The following SOAT1 variants were observed in gnomAD, a reference collection of about 807,000 sequenced individuals.
SOAT1 encodes acyl-coenzyme A:cholesterol acyltransferase 1.
Under a neutral mutation model 69.5 loss-of-function variants are expected in SOAT1, and 55 were observed. The observed-to-expected ratio is 0.79, with a 90% CI of 0.64 to 0.99. The LOEUF (loss-of-function observed/expected upper bound fraction) is 0.99. SOAT1 is among the 50% of genes least tolerant of loss of function. The pLI, the probability that SOAT1 is intolerant of heterozygous loss-of-function variation, is 0.00. For missense variants in SOAT1, 580 were observed against 669.3 expected, an observed-to-expected ratio of 0.87 and a Z score of 1.47; for synonymous variants, 231 against 224.7, an observed-to-expected ratio of 1.03 and a Z score of -0.25.
intron 3 of SOAT1, among the ~76,000 whole-genome samples, chr1:179,335,131 A>G (rs1292596835): frequency 6.6e-6 from 1 of 151,790 alleles, no homozygotes; most frequent in Non-Finnish European, 1.5e-5. Context: ...TGGGAAGCTG[A>G]GGCGGGAAGA....
chr1:179,336,403 G>A (rs1193896865), intron 4 of SOAT1, among the ~76,000 whole-genome samples: 1 of 149,552 alleles, frequency 6.7e-6, no homozygotes, highest in Non-Finnish European at 1.5e-5. Context: ...GAACCTGGGA[G>A]GCAGAGGTTG....
chr1:179,342,919 T>A lies in SOAT1; in HGVS notation c.917T>A (p.Leu306His), dbSNP rs757433399. ...QYLYFLFAPT[L>H]IYRDSYPRNP... ...TTGTACTTCTTATTTGCTCCTACCCTTATCTACCGTGACAGCTATCCCAGG... is the reference window on the plus strand; with the variant it reads ...TTGTACTTCTTATTTGCTCCTACCCATATCTACCGTGACAGCTATCCCAGG... The change falls in exon 9 of 16, where the codon CTT (leucine) becomes CAT (histidine). Residue 306 changes from leucine (L) to histidine (H), a missense_variant. Coordinates refer to ENST00000367619, the MANE Select transcript of SOAT1 (RefSeq NM_003101.6). 4 of 1,613,228 alleles carry A rather than the reference T, an allele frequency of 2.5e-6. No homozygotes were observed. Among genetic ancestry groups the A allele is most frequent in the Non-Finnish European group, 3.4e-6 (4 of 1,179,266 alleles).
intron 3 of SOAT1, among the ~76,000 whole-genome samples, chr1:179,333,799 C>A (rs59962321): frequency 0.5 from 74,907 of 150,282 alleles, 19,576 homozygotes; most frequent in East Asian, 0.84. Flanking sequence ...TGCCGTTGCC[C>A]TCTAGCCTGG....
intron 7 of SOAT1, among the ~76,000 whole-genome samples, 183 bp downstream of exon 7, chr1:179,341,493 A>G (rs569264141): frequency 6.6e-6 from 1 of 151,560 alleles, no homozygotes; most frequent in South Asian, 2.1e-4. Context: ...GTTTCATTGT[A>G]GCTTCCATGT....
chr1:179,331,509 A>G (rs1665973350), intron 3 of SOAT1, among the ~76,000 whole-genome samples: 1 of 152,190 alleles, frequency 6.6e-6, no homozygotes, highest in Non-Finnish European at 1.5e-5. Flanking sequence ...AGGCCAAGGC[A>G]GGCAGATCAT....
chr1:179,305,666 A>G (rs1184116112), intron 2 of SOAT1, among the ~76,000 whole-genome samples: 1 of 152,136 alleles, frequency 6.6e-6, no homozygotes, highest in East Asian at 1.9e-4. Context: ...TACTTTTCCA[A>G]AATAGCTACT....
At chr1:179,323,964 A>G (rs764699264) in intron 3 of SOAT1, among the ~76,000 whole-genome samples, 1 of 152,202 alleles carries the variant, frequency 6.6e-6, no homozygotes, top group Non-Finnish European at 1.5e-5. Flanking sequence ...CAGTACCCTC[A>G]GGAAATTGTG....
chr1:179,303,564 C>T (rs1486066671), intron 2 of SOAT1, among the ~76,000 whole-genome samples: 2 of 152,190 alleles, frequency 1.3e-5, no homozygotes, highest in Non-Finnish European at 2.9e-5. Context: ...GGCATTTCAT[C>T]TCTTTTCATA....
intron 13 of SOAT1, 143 bp from the exon 14 acceptor site, chr1:179,350,153 A>C (rs1479974036): frequency 2.1e-5 from 13 of 607,062 alleles, no homozygotes; most frequent in Non-Finnish European, 3.1e-5. Context: ...ATTTTAATAG[A>C]CTTGGATTAA....
intron 3 of SOAT1, among the ~76,000 whole-genome samples, chr1:179,334,635 A>AT (rs1263739861): frequency 6.6e-6 from 1 of 152,222 alleles, no homozygotes; most frequent in Non-Finnish European, 1.5e-5. Context: ...AATTGATCAT[A>AT]TTAAAATAGT....
At chr1:179,330,885 A>C (rs1665947488) in intron 3 of SOAT1, among the ~76,000 whole-genome samples, 1 of 152,202 alleles carries the variant, frequency 6.6e-6, no homozygotes, top group Non-Finnish European at 1.5e-5. Flanking sequence ...GACTTTGACA[A>C]ATCATTTCCA....
rs373748047 is a variant in SOAT1 at position 179,353,211 on chromosome 1, A to ATATATATATT, written c.1597-365_1597-364insTTATATATAT. On this transcript the variant is annotated intron_variant, in intron 15 of 15. Transcript: ENST00000367619. The stretch of plus-strand genomic sequence containing the variant: ...ATCTAAATGGTGGTTATATATAAAT[A>ATATATATATT]TATATATATATATCTATTTGTCGTC... 5.3e-4 allele frequency among the ~76,000 whole-genome samples: 34 copies of ATATATATATT among 64,366 alleles called. 2 individuals carry two copies. Among genetic ancestry groups the ATATATATATT allele is most frequent in the Middle Eastern group, 7.0e-3 (1 of 142 alleles). The allele number at this position is 64,366 out of a possible 152,430, so 42.2% of individuals were successfully genotyped here.
At chr1:179,309,660 C>T (rs1665151823) in intron 2 of SOAT1, among the ~76,000 whole-genome samples, 1 of 151,500 alleles carries the variant, frequency 6.6e-6, no homozygotes. Flanking sequence ...CTTTAAAAGC[C>T]CTGTTCATAT....
intron 1 of SOAT1, among the ~76,000 whole-genome samples, chr1:179,297,162 A>T (rs1664677420): frequency 6.6e-6 from 1 of 152,210 alleles, no homozygotes; most frequent in South Asian, 2.1e-4. Flanking sequence ...TAAACGCTAG[A>T]GATTCCTTCA....
chr1:179,300,414 A>T (rs12049237), intron 1 of SOAT1, among the ~76,000 whole-genome samples: 33,011 of 152,108 alleles, frequency 0.22, 4,593 homozygotes, highest in East Asian at 0.38. Context: ...CTTGTGATTT[A>T]TTAGCCCTGA....
At chr1:179,342,251 C>A in intron 8 of SOAT1, 59 bp downstream of exon 8, 1 of 1,142,378 alleles carries the variant, frequency 8.8e-7, no homozygotes, top group Non-Finnish European at 1.3e-6. Flanking sequence ...CCCCCCACCC[C>A]ATTCCCTTCC....
chr1:179,326,853 C>T (rs1393376473), intron 3 of SOAT1, among the ~76,000 whole-genome samples: 1 of 152,134 alleles, frequency 6.6e-6, no homozygotes, highest in Non-Finnish European at 1.5e-5. Flanking sequence ...AGCCACCGCA[C>T]CCAGCCAATT....
intron 14 of SOAT1, among the ~76,000 whole-genome samples, chr1:179,350,722 G>T (rs1011473821): frequency 6.6e-6 from 1 of 152,116 alleles, no homozygotes; most frequent in Non-Finnish European, 1.5e-5. Flanking sequence ...TTTCCCATTC[G>T]TAAACATTGT....
At chr1:179,348,769 T>C in intron 12 of SOAT1, 75 bp from the exon 13 acceptor site, 1 of 23,880 alleles carries the variant, frequency 4.2e-5, no homozygotes, top group Non-Finnish European at 8.7e-5. Context: ...GATGTGTGTG[T>C]GTGTGTGTGT....
Sources: gnomAD v4.1 joint callset for allele counts (sites outside exome capture counted in the v4.1 genomes callset) on GRCh38, gnomAD v4.1.1 for gene constraint, MANE v1.5 for transcripts, NCBI Gene and HGNC (gene_info 2026-07-23, HGNC 2026-07-21) for gene names.